Variants in FBXO42 observed in about 807,000 individuals in gnomAD.
The protein encoded by FBXO42 is F-box protein 42.
A neutral mutation model predicts 71.7 loss-of-function variants in FBXO42; 12 were observed. The observed-to-expected ratio is 0.17, with a 90% CI of 0.11 to 0.27. The LOEUF (loss-of-function observed/expected upper bound fraction) is 0.27. FBXO42 is among the 10% of genes least tolerant of loss of function. The pLI is 1.00. For missense variants in FBXO42, 707 were observed against 911.9 expected (o/e 0.78, Z 2.89); for synonymous variants, 325 against 327.5 (o/e 0.99, Z 0.08).
intron 3 of FBXO42, among the ~76,000 whole-genome samples, chr1:16,298,169 C>A (rs936375020): frequency 6.6e-6 from 1 of 151,018 alleles, no homozygotes; most frequent in Non-Finnish European, 1.5e-5. Context: ...GAGGTTGCAG[C>A]GAGCTGAGAT....
In FBXO42 at chr1:16,284,830, T is replaced by A. The variant is rs141749221; in HGVS notation, c.502+9953A>T. ...TAAAAAATACAAAATTAGCTGGGTGTGGTGGTACATGCCTGTAATCCCAGC... is the reference window on the plus strand; with the variant it reads ...TAAAAAATACAAAATTAGCTGGGTGAGGTGGTACATGCCTGTAATCCCAGC... On this transcript the variant is annotated intron_variant, in intron 4 of 9. Transcript: ENST00000375592. Among the ~76,000 whole-genome samples, 1,380 of 152,160 alleles carry A rather than the reference T, an allele frequency of 9.1e-3. 11 individuals carry two copies. The highest frequency in any genetic ancestry group is 0.016 in the Non-Finnish European group (1,084 of 68,012).
intron 4 of FBXO42, among the ~76,000 whole-genome samples, chr1:16,271,613 C>T (rs1349596076): frequency 1.3e-5 from 2 of 151,978 alleles, no homozygotes; most frequent in Non-Finnish European, 2.9e-5. Flanking sequence ...ACTTGTACCA[C>T]TCTCCCCTCA....
intron 7 of FBXO42, 32 bp downstream of exon 7, chr1:16,253,603 T>C: frequency 6.2e-7 from 1 of 1,604,176 alleles, no homozygotes; most frequent in Non-Finnish European, 8.5e-7. Context: ...CGCTACAGTG[T>C]TTGCTGAATA....
Sources: gnomAD v4.1 joint callset for allele counts (sites outside exome capture counted in the v4.1 genomes callset) on GRCh38, gnomAD v4.1.1 for gene constraint, MANE v1.5 for transcripts, NCBI Gene and HGNC (gene_info 2026-07-23, HGNC 2026-07-21) for gene names.